SRCIN1: variants seen among roughly 807,000 people sequenced by gnomAD.
SRCIN1 encodes P130Cas-associated protein.
In SRCIN1, 50 loss-of-function variants were observed where a neutral mutation model predicts 116.2. That is an observed-to-expected ratio of 0.43 (90% CI 0.34 to 0.54). SRCIN1 has a LOEUF of 0.54. Among genes scored for constraint, SRCIN1 ranks in the 20% least tolerant of loss-of-function variants. The pLI is 0.02. For synonymous variants in SRCIN1, 736 were observed against 750.0 expected (o/e 0.98, Z 0.30); for missense variants, 1,446 against 1,672.0 (o/e 0.86, Z 2.36).
Position 38,560,065 on chromosome 17 carries a change from G to A in SRCIN1, c.1826C>T (p.Thr609Ile). Reference sequence around the variant, plus strand: ...GGAGGTTCACTCACGTGCTGAGGGGGTGGCTGCTCCATTGGAGCCTTCAAT... The same window carrying A: ...GGAGGTTCACTCACGTGCTGAGGGGATGGCTGCTCCATTGGAGCCTTCAAT... ...EKIEGSNGAA[T>I]PSAPCGSGGR... Residue 609 changes from threonine (T) to isoleucine (I), a missense_variant, in exon 9 of 19, where the codon ACC (threonine) becomes ATC (isoleucine). Transcript: ENST00000617146. 1 of 1,557,886 alleles carries A rather than the reference G, an allele frequency of 6.4e-7. No individual in the cohort carries two copies. The highest frequency in any genetic ancestry group is 8.7e-7 in the Non-Finnish European group (1 of 1,150,940).
At chr17:38,567,568 G>A (rs3891280) in intron 3 of SRCIN1, among the ~76,000 whole-genome samples, 2 of 152,168 alleles carry the variant, frequency 1.3e-5, no homozygotes, top group Non-Finnish European at 2.9e-5. Context: ...AGAGACTCCA[G>A]GAGGCAAGCA....
At position 38,551,349 on chromosome 17, in the gene SRCIN1, G is replaced by C; in HGVS notation, c.2768C>G (p.Thr923Ser). ...RDWEEKRAAL[T>S]QYSAKDINRL... ...GTTGATGTCCTTGGCACTGTACTGG[G>C]TCAGGGCTGCCCGCTTCTCCTCCCA... The change falls in exon 15 of 19, where the codon ACC becomes AGC. Residue 923 changes from threonine to serine, a missense_variant. Thr to Ser is a moderately conservative substitution (Grantham distance 58). Transcript: ENST00000617146. The C allele has an allele frequency of 6.2e-7, 1 of 1,613,620 alleles. No individual in the cohort carries two copies. The highest frequency in any genetic ancestry group is 1.7e-4 in the Middle Eastern group (1 of 6,060).
At chr17:38,576,664 A>G (rs1907439296) in intron 2 of SRCIN1, among the ~76,000 whole-genome samples, 1 of 149,946 alleles carries the variant, frequency 6.7e-6, no homozygotes, top group Non-Finnish European at 1.5e-5. Context: ...CCGTCTCTGT[A>G]TATTCCTCTC....
intron 1 of SRCIN1, among the ~76,000 whole-genome samples, chr17:38,593,431 A>C (rs1908547132): frequency 6.6e-6 from 1 of 152,014 alleles, no homozygotes; most frequent in South Asian, 2.1e-4. Flanking sequence ...ATGGGGCAAG[A>C]CCCATACAAA....
At chr17:38,591,014 A>G (rs1908411645) in intron 1 of SRCIN1, among the ~76,000 whole-genome samples, 2 of 152,206 alleles carry the variant, frequency 1.3e-5, no homozygotes, top group Non-Finnish European at 2.9e-5. Context: ...CCCAGATCAC[A>G]GAAACTTAGG....
chr17:38,574,184 T>C (rs983650601), intron 2 of SRCIN1, among the ~76,000 whole-genome samples: 16 of 152,294 alleles, frequency 1.1e-4, no homozygotes, highest in Admixed American at 3.3e-4. Context: ...CCCCTTCCCA[T>C]TGCAACTCTG....
chr17:38,543,800 GC>G, intron 18 of SRCIN1, 22 bp downstream of exon 18: 2 of 1,599,520 alleles, frequency 1.3e-6, no homozygotes, highest in Non-Finnish European at 8.5e-7. Context: ...GGCCTGGGTG[GC>G]CCCCACAGTC....
At chr17:38,601,701 C>A (rs1303879981) in intron 1 of SRCIN1, among the ~76,000 whole-genome samples, 1 of 152,050 alleles carries the variant, frequency 6.6e-6, no homozygotes, top group Admixed American at 6.5e-5. Context: ...TGCTCTGCAG[C>A]CCTTCCTGGA....
chr17:38,558,425 G>C lies in SRCIN1; in HGVS notation c.2026-23C>G, dbSNP rs200220174. The stretch of plus-strand genomic sequence containing the variant: ...TAGCTGCGGGACGCACGGACGGATG[G>C]ACCCGGGTGGGGGGAGCGGAGCCGC... On this transcript the variant is annotated intron_variant, in intron 10 of 18. Coordinates refer to ENST00000617146, the MANE Select transcript of SRCIN1 (RefSeq NM_025248.3). The surrounding 1 kb of genome is among the most constrained non-coding windows in gnomAD (Gnocchi z 4.6). The C allele has an allele frequency of 3.9e-5, 62 of 1,571,850 alleles. 1 individual carries two copies. The South Asian group carries it at 6.1e-4, about 15-fold the overall frequency.
chr17:38,587,895 G>C (rs1168692004), intron 1 of SRCIN1, among the ~76,000 whole-genome samples: 2 of 152,040 alleles, frequency 1.3e-5, no homozygotes, highest in Admixed American at 1.3e-4. Context: ...CCCGTGCCCA[G>C]AATTCCAGAT....
intron 2 of SRCIN1, among the ~76,000 whole-genome samples, chr17:38,575,312 C>G (rs186860610): frequency 6.6e-6 from 1 of 152,172 alleles, no homozygotes; most frequent in Non-Finnish European, 1.5e-5. Flanking sequence ...TGCAGTGGCA[C>G]GATCATGGCT....
intron 17 of SRCIN1, chr17:38,547,788 C>CG (rs1255763936): frequency 1.7e-5 from 4 of 232,026 alleles, no homozygotes; most frequent in Non-Finnish European, 1.7e-5. Flanking sequence ...GCTGAGCCCC[C>CG]GGGGGGCCCC....
At position 38,572,785 on chromosome 17, in the gene SRCIN1, C is replaced by A; in HGVS notation, c.325-4554G>T. ...TCTCTCCCCCGGCCGCCTCCGCAGC[C>A]GCGGCCGCCGCCGCCGGTGCCCTTT... On this transcript the variant is annotated intron_variant, in intron 2 of 18. Coordinates refer to ENST00000617146, the MANE Select transcript of SRCIN1 (RefSeq NM_025248.3). This position sits in a 1 kb window ranked among gnomAD's most constrained non-coding sequence, Gnocchi z 4.3. 1 of 152,738 alleles carries A rather than the reference C, an allele frequency of 6.5e-6. No individual in the cohort carries two copies. Among genetic ancestry groups the A allele is most frequent in the South Asian group, 1.8e-4 (1 of 5,672 alleles). 9.5% of individuals were successfully genotyped at this position (152,738 alleles called of 1,614,324 possible).
At chr17:38,536,685 C>T (rs1904402079) in intron 18 of SRCIN1, among the ~76,000 whole-genome samples, 1 of 152,266 alleles carries the variant, frequency 6.6e-6, no homozygotes, top group Non-Finnish European at 1.5e-5. Context: ...TCCTTCCTTG[C>T]TAAGCCCTGC....
At chr17:38,590,677 G>A (rs777081283) in intron 1 of SRCIN1, among the ~76,000 whole-genome samples, 5 of 152,242 alleles carry the variant, frequency 3.3e-5, no homozygotes, top group Admixed American at 3.3e-4. Flanking sequence ...GGCTCAGGAA[G>A]GAGTGACTTG....
chr17:38,601,315 G>A (rs1343911564), intron 1 of SRCIN1, among the ~76,000 whole-genome samples: 1 of 152,158 alleles, frequency 6.6e-6, no homozygotes, highest in African/African-American at 2.4e-5. Context: ...GCCCCAGGGC[G>A]TGGATGGGGC....
intron 1 of SRCIN1, among the ~76,000 whole-genome samples, chr17:38,583,031 C>A (rs779289815): frequency 1.3e-5 from 2 of 152,178 alleles, no homozygotes; most frequent in Non-Finnish European, 1.5e-5. Context: ...GCCAGAGACA[C>A]CCTGGGTGTC....
intron 3 of SRCIN1, 45 bp from the exon 4 acceptor site, chr17:38,564,358 CCCCT>C: frequency 4.1e-6 from 6 of 1,446,468 alleles, no homozygotes; most frequent in Non-Finnish European, 5.4e-6. Context: ...ATGAGCACCC[CCCCT>C]CCCCTTTGCT....
In SRCIN1 at chr17:38,552,536, C is replaced by T. The variant is rs1006950455; in HGVS notation, c.2391G>A (p.Ala797=). The T allele has an allele frequency of 8.1e-6, 13 of 1,606,846 alleles. No individual in the cohort carries two copies. The highest frequency in any genetic ancestry group is 4.4e-5 in the South Asian group (4 of 89,960). ...MRVVLRVEVE[A]VKFLKEEPQR... ...GGGGCTCCTCCTTCAGGAACTTCAC[C>T]GCCTCCACCTCCACGCGCAGCACCA... The change falls in exon 13 of 19, where the codon GCG becomes GCA. Residue 797 remains alanine, a synonymous_variant. Transcript: ENST00000617146. The surrounding 1 kb of genome is among the most constrained non-coding windows in gnomAD (Gnocchi z 5.3).
Sources: gnomAD v4.1 joint callset for allele counts (sites outside exome capture counted in the v4.1 genomes callset) on GRCh38, gnomAD v4.1.1 for gene constraint, Gnocchi (gnomAD v3.1) non-coding constraint, MANE v1.5 for transcripts, NCBI Gene and HGNC (gene_info 2026-07-23, HGNC 2026-07-21) for gene names.